The following PCDHGB5 variants were observed in gnomAD, a reference collection of about 807,000 sequenced individuals.
PCDHGB5 encodes protocadherin gamma subfamily B, 5.
Under a neutral mutation model 62.9 loss-of-function variants are expected in PCDHGB5, and 48 were observed. The observed-to-expected ratio is 0.76, with a 90% CI of 0.61 to 0.97. The LOEUF is 0.97. Among genes scored for constraint, PCDHGB5 ranks in the 50% least tolerant of loss-of-function variants. The pLI is 0.00. For missense variants in PCDHGB5, 1,118 were observed against 1,198.6 expected (o/e 0.93, Z 0.99); for synonymous variants, 474 against 511.2 (o/e 0.93, Z 0.98).
At chr5:141,411,567 G>A (rs1390794685) in intron 1 of PCDHGB5, 1 of 152,186 alleles carries the variant, frequency 6.6e-6, no homozygotes, top group Non-Finnish European at 1.5e-5. Context: ...CTGGGCGACA[G>A]AGTGCGACCC....
intron 1 of PCDHGB5, chr5:141,404,943 T>C: frequency 1.2e-6 from 2 of 1,613,914 alleles, no homozygotes; most frequent in Non-Finnish European, 8.5e-7. Context: ...ACAGTAGCCA[T>C]AGCTGACAGC....
In PCDHGB5 at chr5:141,489,801, T is replaced by C. The variant is rs201458939; in HGVS notation, c.2398-5006T>C. 6.2e-7 allele frequency: 1 copy of C among 1,614,148 alleles called. No homozygotes were observed. On this transcript the variant is annotated intron_variant, in intron 1 of 3. Coordinates refer to ENST00000617380, the MANE Select transcript of PCDHGB5 (RefSeq NM_018925.3). The surrounding 1 kb of genome is among the most constrained non-coding windows in gnomAD (Gnocchi z 4.5). The stretch of plus-strand genomic sequence containing the variant: ...CTCTGAATGTGAAGACCCTAAAAGA[T>C]GGGAAGCCATTCCCAGAGCTGGTGC...
Position 141,491,947 on chromosome 5 carries a change from C to T in PCDHGB5, c.2398-2860C>T. ...GGGGAGGTGGGACCGACCCCCACCCCTACACTCAAAAAAGGCCGGGGCCTC... is the reference window on the plus strand; with the variant it reads ...GGGGAGGTGGGACCGACCCCCACCCTTACACTCAAAAAAGGCCGGGGCCTC... On this transcript the variant is annotated intron_variant, in intron 1 of 3. Coordinates refer to ENST00000617380, the MANE Select transcript of PCDHGB5 (RefSeq NM_018925.3). The surrounding 1 kb of genome is among the most constrained non-coding windows in gnomAD (Gnocchi z 6.9). 1 of 1,114,210 alleles carries T rather than the reference C, an allele frequency of 9.0e-7. No individual in the cohort carries two copies. The highest frequency in any genetic ancestry group is 1.2e-6 in the Non-Finnish European group (1 of 815,758). 69.0% of individuals were successfully genotyped at this position (1,114,210 alleles called of 1,614,324 possible). A position where few individuals can be genotyped will look rare whatever the true frequency, so the allele number is the denominator to read the frequency against.
At chr5:141,418,836 C>T (rs2096292464) in intron 1 of PCDHGB5, 1 of 1,613,984 alleles carries the variant, frequency 6.2e-7, no homozygotes, top group Non-Finnish European at 8.5e-7. Flanking sequence ...GACCGAGGAT[C>T]TCTCTCAACA....
chr5:141,418,945 A>G, intron 1 of PCDHGB5: 3 of 1,614,062 alleles, frequency 1.9e-6, no homozygotes, highest in Non-Finnish European at 2.5e-6. Flanking sequence ...ATTCCCCTCC[A>G]GGAGTGGTTG....
intron 3 of PCDHGB5, among the ~76,000 whole-genome samples, chr5:141,509,065 T>A (rs1294546432): frequency 6.6e-6 from 1 of 152,018 alleles, no homozygotes; most frequent in Non-Finnish European, 1.5e-5. Context: ...AGCTCTCAGC[T>A]CCGGGGATTT....
Position 141,477,568 on chromosome 5 carries a change from C to T in PCDHGB5, c.2398-17239C>T, listed in dbSNP as rs2099413139. The T allele has an allele frequency of 6.2e-7, 1 of 1,614,172 alleles. No individual in the cohort carries two copies. The highest frequency in any genetic ancestry group is 1.7e-4 in the Middle Eastern group (1 of 6,060). On this transcript the variant is annotated intron_variant, in intron 1 of 3. Transcript: ENST00000617380. This position sits in a 1 kb window ranked among gnomAD's most constrained non-coding sequence, Gnocchi z 4.9. ...TACTAAACCTAAGTGTCTGGGACCC[C>T]GACGCCCCGCAGAATGCTCGGCTTT...
rs1178101439 is a variant in PCDHGB5, at chr5:141,443,790, T to C, written c.2397+43266T>C. On this transcript the variant is annotated intron_variant, in intron 1 of 3. Coordinates refer to ENST00000617380, the MANE Select transcript of PCDHGB5 (RefSeq NM_018925.3). Reference sequence around the variant, plus strand: ...AATATTACCAAAAAGACAAAAAAAATGAAAAGGAAACAGTTACCTTTGGAA... The same window carrying C: ...AATATTACCAAAAAGACAAAAAAAACGAAAAGGAAACAGTTACCTTTGGAA... Among the ~76,000 whole-genome samples, 6 of 151,950 alleles carry C rather than the reference T, an allele frequency of 3.9e-5. No homozygotes were observed. The East Asian group carries it at 1.2e-3, about 29-fold the overall frequency.
intron 1 of PCDHGB5, chr5:141,424,630 A>G (rs1440031596): frequency 1.3e-5 from 2 of 152,366 alleles, no homozygotes; most frequent in East Asian, 3.9e-4. Flanking sequence ...TTGTGAATAT[A>G]TAAATAGATT....
At chr5:141,405,218 G>C in intron 1 of PCDHGB5, 3 of 1,613,986 alleles carry the variant, frequency 1.9e-6, no homozygotes, top group Non-Finnish European at 2.5e-6. Context: ...CTATTCTCAG[G>C]AGTTCTCCCT....
chr5:141,423,234 C>A (rs1408925478), intron 1 of PCDHGB5: 1 of 1,613,800 alleles, frequency 6.2e-7, no homozygotes, highest in Non-Finnish European at 8.5e-7. Context: ...CCGACAGCAT[C>A]CCCGAAGTCC....
At chr5:141,462,459 C>T (rs190781980) in intron 1 of PCDHGB5, among the ~76,000 whole-genome samples, 11 of 152,128 alleles carry the variant, frequency 7.2e-5, no homozygotes, top group Admixed American at 2.6e-4. Flanking sequence ...TAACTGAAAA[C>T]TGTGTATTCT....
intron 1 of PCDHGB5, among the ~76,000 whole-genome samples, chr5:141,433,399 CTA>C (rs1491097109): frequency 1.1e-4 from 17 of 150,894 alleles, no homozygotes; most frequent in African/African-American, 4.1e-4. Context: ...ATCTATCTAT[CTA>C]TCTATTACTT....
At chr5:141,440,822 A>T (rs1561900737) in intron 1 of PCDHGB5, 2 of 152,058 alleles carry the variant, frequency 1.3e-5, no homozygotes, top group Non-Finnish European at 2.9e-5. Context: ...TCAACTCCTG[A>T]TCCTATTGGT....
chr5:141,425,566 G>T (rs532293951), intron 1 of PCDHGB5, among the ~76,000 whole-genome samples: 1 of 152,348 alleles, frequency 6.6e-6, no homozygotes, highest in Admixed American at 6.5e-5. Context: ...TAAGTGATAA[G>T]AAGGGTTTGG....
chr5:141,423,273 G>C, intron 1 of PCDHGB5: 2 of 1,613,896 alleles, frequency 1.2e-6, no homozygotes, highest in Non-Finnish European at 1.7e-6. Flanking sequence ...TCGAGTCTCT[G>C]GCTAACTCTG....
rs866649962 is a variant in PCDHGB5 at position 141,482,106 on chromosome 5, T to A, written c.2398-12701T>A. Reference sequence around the variant, plus strand: ...CTCCATCTCAAAAAAAAAAAAAAAATATCTAGAGATGGGAGAATCATATGG... The same window carrying A: ...CTCCATCTCAAAAAAAAAAAAAAAAAATCTAGAGATGGGAGAATCATATGG... On this transcript the variant is annotated intron_variant, in intron 1 of 3. Transcript: ENST00000617380. 2.5e-3 allele frequency among the ~76,000 whole-genome samples: 342 copies of A among 138,882 alleles called. 1 individual carries two copies. Among genetic ancestry groups the A allele is most frequent in the Middle Eastern group, 0.011 (3 of 272 alleles). 91.1% of individuals were successfully genotyped at this position (138,882 alleles called of 152,430 possible). A position where few individuals can be genotyped will look rare whatever the true frequency, so the allele number is the denominator to read the frequency against.
chr5:141,427,766 G>A lies in PCDHGB5; in HGVS notation c.2397+27242G>A, dbSNP rs549550151. The A allele has an allele frequency of 1.1e-4, 152 of 1,386,456 alleles. No homozygotes were observed. In the African/African-American group the frequency reaches 1.8e-3, roughly 17 times the overall value. The allele number at this position is 1,386,456 out of a possible 1,614,324, so 85.9% of individuals were successfully genotyped here. ...CCTACTCCATCGTTACCACTGACTT[G>A]GAGCTGCGGGCACTGTCGTCCTACG... On this transcript the variant is annotated intron_variant, in intron 1 of 3. Transcript: ENST00000617380.
In PCDHGB5 at chr5:141,399,909, A is replaced by G. The variant is rs1181363803; in HGVS notation, c.1782A>G (p.Ser594=). 6 of 1,612,410 alleles carry G rather than the reference A, an allele frequency of 3.7e-6. No individual in the cohort carries two copies. The highest frequency in any genetic ancestry group is 4.5e-5 in the East Asian group (2 of 44,868). The change falls in exon 1 of 4, where the codon TCA becomes TCG. Residue 594 remains serine, a synonymous_variant. Coordinates refer to ENST00000617380, the MANE Select transcript of PCDHGB5 (RefSeq NM_018925.3). The stretch of plus-strand genomic sequence containing the variant: ...AGGTAGTGGCCGTGGACGCAGACTC[A>G]GGACACAACGCCTGGCTGTCCTACC... ...VTKVVAVDAD[S]GHNAWLSYHV...
Sources: gnomAD v4.1 joint callset for allele counts (sites outside exome capture counted in the v4.1 genomes callset) on GRCh38, gnomAD v4.1.1 for gene constraint, Gnocchi (gnomAD v3.1) non-coding constraint, MANE v1.5 for transcripts, NCBI Gene and HGNC (gene_info 2026-07-23, HGNC 2026-07-21) for gene names.